The following NUP107 variants were observed in gnomAD, a reference collection of about 807,000 sequenced individuals.
NUP107 encodes nucleoporin 107.
A neutral mutation model predicts 141.0 loss-of-function variants in NUP107; 101 were observed. That is an observed-to-expected ratio of 0.72 (90% CI 0.61 to 0.84). The LOEUF (loss-of-function observed/expected upper bound fraction) is 0.84. Ranked by LOEUF, NUP107 falls within the 40% of genes least tolerant of loss-of-function variation. The pLI is 0.00. For synonymous variants in NUP107, 319 were observed against 363.9 expected, an observed-to-expected ratio of 0.88 and a Z score of 1.41; for missense variants, 941 against 1,102.7, an observed-to-expected ratio of 0.85 and a Z score of 2.08.
intron 26 of NUP107, among the ~76,000 whole-genome samples, chr12:68,736,366 A>G (rs1344229939): frequency 6.6e-6 from 1 of 152,018 alleles, no homozygotes; most frequent in East Asian, 1.9e-4. Context: ...TTGAGCCCCT[A>G]TTTGCCACTA....
intron 15 of NUP107, 140 bp downstream of exon 15, chr12:68,721,317 T>G (rs946112588): frequency 1.9e-6 from 1 of 528,848 alleles, no homozygotes; most frequent in Admixed American, 3.6e-5. Context: ...ATGATAGAGA[T>G]AATCATGAAT....
At position 68,744,052 on chromosome 12, in the gene NUP107, TATAG is replaced by T. The variant is rs1878421713; in HGVS notation, c.*1592_*1595del. 6.6e-6 allele frequency: 1 copy of T among 152,218 alleles called. No individual in the cohort carries two copies. Among genetic ancestry groups the T allele is most frequent in the Non-Finnish European group, 1.5e-5 (1 of 68,032 alleles). 9.4% of individuals were successfully genotyped at this position (152,218 alleles called of 1,614,324 possible). On this transcript the variant is annotated 3_prime_UTR_variant, in exon 28 of 28. Transcript: ENST00000229179. ...TTTGTTACTTGCAACAAACTGTATA[TATAG>T]AAACTTTGTACAACCCAGGGTGACT...
At chr12:68,730,368 G>A (rs776595356) in intron 20 of NUP107, among the ~76,000 whole-genome samples, 16 of 151,852 alleles carry the variant, frequency 1.1e-4, no homozygotes, top group Admixed American at 2.0e-4. Flanking sequence ...ACAGGCATGC[G>A]CCACCACGCC....
At chr12:68,701,030 A>T (rs749179232) in intron 7 of NUP107, among the ~76,000 whole-genome samples, 177 bp downstream of exon 7, 1 of 152,228 alleles carries the variant, frequency 6.6e-6, no homozygotes, top group African/African-American at 2.4e-5. Flanking sequence ...AAGATATCAG[A>T]TCATAAGGCT....
In NUP107 at chr12:68,732,758, C is replaced by T. The variant is rs372478537; in HGVS notation, c.2101+19C>T. On this transcript the variant is annotated intron_variant, in intron 23 of 27. Coordinates refer to ENST00000229179, the MANE Select transcript of NUP107 (RefSeq NM_020401.4). ...TTCTTGGGTATAGTATATTTTTATG[C>T]AGCTTCAAACTCCTGGGCTCCATTC... The T allele has an allele frequency of 2.8e-5, 41 of 1,456,586 alleles. No homozygotes were observed. Among genetic ancestry groups the T allele is most frequent in the Non-Finnish European group, 3.8e-5 (40 of 1,043,148 alleles). The allele number at this position is 1,456,586 out of a possible 1,614,324, so 90.2% of individuals were successfully genotyped here.
At position 68,744,174 on chromosome 12, in the gene NUP107, CCG is replaced by C. The variant is rs1422281457; in HGVS notation, c.*1713_*1714del. On this transcript the variant is annotated 3_prime_UTR_variant, in exon 28 of 28. Coordinates refer to ENST00000229179, the MANE Select transcript of NUP107 (RefSeq NM_020401.4). ...GGAATATTGTATGCTTCCATCGTAA[CCG>C]TATGTGGGTAAATGGACAAGGTCTG... 2 of 152,256 alleles carry C rather than the reference CCG, an allele frequency of 1.3e-5. No homozygotes were observed. The highest frequency in any genetic ancestry group is 3.4e-3 in the Middle Eastern group (1 of 294). The allele number at this position is 152,256 out of a possible 1,614,324, so 9.4% of individuals were successfully genotyped here. A position where few individuals can be genotyped will look rare whatever the true frequency, so the allele number is the denominator to read the frequency against.
At chr12:68,738,058 G>T (rs1232267024) in intron 26 of NUP107, among the ~76,000 whole-genome samples, 4 of 152,072 alleles carry the variant, frequency 2.6e-5, no homozygotes, top group Admixed American at 6.6e-5. Flanking sequence ...TGGTGGATCA[G>T]AAGATCAGGA....
chr12:68,704,413 T>C (rs1404695987), intron 8 of NUP107, among the ~76,000 whole-genome samples: 5 of 152,306 alleles, frequency 3.3e-5, no homozygotes, highest in South Asian at 2.1e-4. Flanking sequence ...CAGATGCCTT[T>C]TTGGGGTTTA....
Position 68,696,899 on chromosome 12 carries a change from T to C in NUP107, c.529T>C (p.Tyr177His). The C allele has an allele frequency of 6.2e-7, 1 of 1,606,640 alleles. No individual in the cohort carries two copies. The highest frequency in any genetic ancestry group is 1.1e-5 in the South Asian group (1 of 90,048). Residue 177 changes from tyrosine (Y) to histidine (H), a missense_variant, in exon 6 of 28, where the codon TAT becomes CAT. Tyr to His is a moderately conservative substitution (Grantham distance 83, BLOSUM62 2). Coordinates refer to ENST00000229179, the MANE Select transcript of NUP107 (RefSeq NM_020401.4). ...SSTVFDLVEE[Y>H]ENICGSQVNI... ...TACAGTTTTTGATCTTGTGGAAGAG[T>C]ATGAAAACATCTGTGGTAGTCAGGT...
At chr12:68,731,361 G>A (rs1407435975) in intron 21 of NUP107, 101 bp downstream of exon 21, 3 of 1,150,612 alleles carry the variant, frequency 2.6e-6, no homozygotes, top group Non-Finnish European at 3.5e-6. Context: ...TATTTCTGTT[G>A]AGGGGAAAAG....
intron 26 of NUP107, among the ~76,000 whole-genome samples, chr12:68,736,019 A>T (rs937907586): frequency 6.6e-6 from 1 of 152,198 alleles, no homozygotes; most frequent in Non-Finnish European, 1.5e-5. Context: ...GGATGAGCTG[A>T]GATGGGAGAA....
intron 24 of NUP107, among the ~76,000 whole-genome samples, chr12:68,733,961 G>A (rs1877957109): frequency 6.6e-6 from 1 of 152,110 alleles, no homozygotes; most frequent in African/African-American, 2.4e-5. Flanking sequence ...GACTAAAATA[G>A]CAGCATACTC....
rs754221542 is a variant in NUP107, at chr12:68,690,665, A to G, written c.222A>G (p.Pro74=). ...TPTSRSLLRQ[P]DISCILGTGG... The stretch of plus-strand genomic sequence containing the variant: ...CAAGCCGAAGCTTACTAAGGCAGCC[A>G]GATATTTCCTGCATTCTTGGAACAG... Residue 74 remains proline, a synonymous_variant, in exon 4 of 28, where the codon CCA becomes CCG. Transcript: ENST00000229179. 3.7e-6 allele frequency: 6 copies of G among 1,614,138 alleles called. No individual in the cohort carries two copies. The highest frequency in any genetic ancestry group is 5.1e-6 in the Non-Finnish European group (6 of 1,179,994).
chr12:68,721,229 A>T lies in NUP107; in HGVS notation c.1311+52A>T, dbSNP rs1174868904. ...TTTTTTCTGTGGAGTAAAATTAAAT[A>T]AAATATTCTAACAATTGTATATAAC... On this transcript the variant is annotated intron_variant, in intron 15 of 27. Coordinates refer to ENST00000229179, the MANE Select transcript of NUP107 (RefSeq NM_020401.4). 2.6e-6 allele frequency: 3 copies of T among 1,167,560 alleles called. No individual in the cohort carries two copies. The African/African-American group carries it at 4.6e-5, about 18-fold the overall frequency. The allele number at this position is 1,167,560 out of a possible 1,614,324, so 72.3% of individuals were successfully genotyped here.
At chr12:68,728,243 C>T (rs1002123183) in intron 20 of NUP107, among the ~76,000 whole-genome samples, 3 of 148,064 alleles carry the variant, frequency 2.0e-5, no homozygotes, top group African/African-American at 7.5e-5. Flanking sequence ...GAGCTGTGAT[C>T]TCGCCACTGC....
chr12:68,694,326 G>A (rs1017968259), intron 5 of NUP107, among the ~76,000 whole-genome samples: 1 of 151,992 alleles, frequency 6.6e-6, no homozygotes, highest in Non-Finnish European at 1.5e-5. Flanking sequence ...TTTAAATCTG[G>A]CTCAATTTCT....
rs796511939 is a variant in NUP107 at position 68,691,041 on chromosome 12, GA to G, written c.303+305del. Among the ~76,000 whole-genome samples the G allele has an allele frequency of 1.0e-4, 14 of 140,414 alleles. No individual in the cohort carries two copies. In the South Asian group the frequency reaches 2.5e-3, roughly 25 times the overall value. The allele number at this position is 140,414 out of a possible 152,430, so 92.1% of individuals were successfully genotyped here. A position where few individuals can be genotyped will look rare whatever the true frequency, so the allele number is the denominator to read the frequency against. ...GTTGCAGTGACCTGTGATTGCAAAA[GA>G]AAAAAAAAAGAGAAAAAAGAACTTC... On this transcript the variant is annotated intron_variant, in intron 4 of 27. Transcript: ENST00000229179.
Position 68,742,510 on chromosome 12 carries a change from A to G in NUP107, c.*48A>G. The G allele has an allele frequency of 9.8e-7, 1 of 1,017,734 alleles. No individual in the cohort carries two copies. The highest frequency in any genetic ancestry group is 1.5e-6 in the Non-Finnish European group (1 of 682,428). 63.0% of individuals were successfully genotyped at this position (1,017,734 alleles called of 1,614,324 possible). ...ATTTTCATGATAAATGAAGTTTTTA[A>G]TAAAATATACTTGTTATTAGTAATT... On this transcript the variant is annotated 3_prime_UTR_variant, in exon 28 of 28. Transcript: ENST00000229179.
chr12:68,702,989 G>T (rs548371336), intron 8 of NUP107, among the ~76,000 whole-genome samples: 2 of 151,632 alleles, frequency 1.3e-5, no homozygotes, highest in Non-Finnish European at 2.9e-5. Flanking sequence ...GATTACAGGC[G>T]TGCCCCACCA....
Sources: allele counts gnomAD v4.1 joint callset (sites outside exome capture counted in the v4.1 genomes callset), GRCh38; gene constraint gnomAD v4.1.1; transcripts MANE v1.5; gene names NCBI Gene and HGNC (gene_info 2026-07-23, HGNC 2026-07-21).